The following LTN1 variants were observed in gnomAD, a reference collection of about 807,000 sequenced individuals.
LTN1 encodes the protein E3 ubiquitin-protein ligase listerin.
LTN1 carries 88 observed loss-of-function variants against 201.2 expected under a neutral mutation model. The ratio of observed to expected loss-of-function variants is 0.44; its 90% CI spans 0.37 to 0.52. The LOEUF (loss-of-function observed/expected upper bound fraction) is 0.52. Ranked by LOEUF, LTN1 falls within the 20% of genes least tolerant of loss-of-function variation. LTN1 has a pLI of 0.00. For missense variants in LTN1, 1,752 were observed against 2,038.7 expected (o/e 0.86, Z 2.71); for synonymous variants, 645 against 713.5 (o/e 0.90, Z 1.53).
chr21:28,965,518 T>C (rs983642751), intron 11 of LTN1, among the ~76,000 whole-genome samples: 2 of 152,176 alleles, frequency 1.3e-5, no homozygotes, highest in Non-Finnish European at 2.9e-5. Context: ...CTCCAATCCA[T>C]TTCTGCAGTA....
rs1311242707 is a variant in LTN1 at position 28,986,268 on chromosome 21, T to G, written c.247-31A>C. 8.0e-7 allele frequency: 1 copy of G among 1,246,178 alleles called. No individual in the cohort carries two copies. The highest frequency in any genetic ancestry group is 1.2e-6 in the Non-Finnish European group (1 of 851,640). 77.2% of individuals were successfully genotyped at this position (1,246,178 alleles called of 1,614,324 possible). On this transcript the variant is annotated intron_variant, in intron 2 of 29. Coordinates refer to ENST00000361371, the MANE Select transcript of LTN1 (RefSeq NM_015565.3). This position sits in a 1 kb window ranked among gnomAD's most constrained non-coding sequence, Gnocchi z 4.1. ...AGTAAGTTATTAACATCATTAGGAT[T>G]AACAACCATAATAACTGGCTATAGA...
rs1171874677 is a variant in LTN1, at chr21:28,966,910, G to A, written c.1581C>T (p.Ser527=). ...TTTTTTTTTTACTTGACTTCAATGA[G>A]CTCTTCGGCTTCTGAAGCACCTGTA... The part of the protein sequence containing the change: ...NLLQVLQKPK[S]SLKSSKKKNG... Residue 527 remains serine, a synonymous_variant, in exon 10 of 30, where the codon AGC becomes AGT. Transcript: ENST00000361371. 2 of 1,612,780 alleles carry A rather than the reference G, an allele frequency of 1.2e-6. No homozygotes were observed. Among genetic ancestry groups the A allele is most frequent in the African/African-American group, 1.3e-5 (1 of 74,650 alleles).
At chr21:28,970,383 GAA>G (rs1278556595) in intron 8 of LTN1, among the ~76,000 whole-genome samples, 167 bp downstream of exon 8, 1 of 152,154 alleles carries the variant, frequency 6.6e-6, no homozygotes. Context: ...TGCTACCACT[GAA>G]GTCTTGAACG....
At chr21:28,973,652 T>G (rs1601204389) in intron 6 of LTN1, among the ~76,000 whole-genome samples, 1 of 152,246 alleles carries the variant, frequency 6.6e-6, no homozygotes, top group East Asian at 1.9e-4. Flanking sequence ...TGCTTAGAAA[T>G]CAAGCATTCA....
At chr21:28,988,949 G>T (rs1281143363) in intron 1 of LTN1, among the ~76,000 whole-genome samples, 3 of 150,112 alleles carry the variant, frequency 2.0e-5, no homozygotes, top group Non-Finnish European at 3.0e-5. Flanking sequence ...TGGGCAAAAA[G>T]AGCGAAACTC....
intron 18 of LTN1, among the ~76,000 whole-genome samples, chr21:28,951,920 T>C (rs754428528): frequency 2.6e-5 from 4 of 152,070 alleles, no homozygotes; most frequent in Non-Finnish European, 5.9e-5. Context: ...CAGTGAGCCA[T>C]GTTCGCATCA....
Position 28,986,197 on chromosome 21 carries a change from G to A in LTN1, c.287C>T (p.Thr96Ile). ...EFGTMCTERD[T>I]ETVKGVLPYW... ...TGGAAGAACTCCTTTCACAGTTTCT[G>A]TGTCTCTCTCTGTACACATGGTTCC... is the stretch of plus-strand genomic sequence containing the variant. Residue 96 changes from threonine (T) to isoleucine (I), a missense_variant, in exon 3 of 30, where the codon ACA becomes ATA. Transcript: ENST00000361371. The surrounding 1 kb of genome is among the most constrained non-coding windows in gnomAD (Gnocchi z 4.1). 6.8e-6 allele frequency: 11 copies of A among 1,613,394 alleles called. No homozygotes were observed. The highest frequency in any genetic ancestry group is 9.3e-6 in the Non-Finnish European group (11 of 1,179,470).
At chr21:28,963,604 T>C (rs2084497592) in intron 11 of LTN1, among the ~76,000 whole-genome samples, 1 of 152,248 alleles carries the variant, frequency 6.6e-6, no homozygotes, top group South Asian at 2.1e-4. Context: ...GTTGTTTTCA[T>C]GCCTGCTAAC....
At position 28,960,697 on chromosome 21, in the gene LTN1, T is replaced by C. The variant is rs754951671; in HGVS notation, c.2173A>G (p.Ser725Gly). 3 of 1,611,610 alleles carry C rather than the reference T, an allele frequency of 1.9e-6. No individual in the cohort carries two copies. The highest frequency in any genetic ancestry group is 1.3e-5 in the African/African-American group (1 of 74,852). ...LLKIIEKACP[S>G]SDKHALVTPW... ...GTTACTAAAGCATGTTTATCTGAAC[T>C]AGGACATGCCTAAAACCATAAAATT... Residue 725 changes from serine to glycine, a missense_variant, in exon 12 of 30, where the codon AGT (serine) becomes GGT (glycine). By Grantham distance (56) the Ser-to-Gly change is moderately conservative. Coordinates refer to ENST00000361371, the MANE Select transcript of LTN1 (RefSeq NM_015565.3).
chr21:28,981,397 C>T (rs1248039055), intron 5 of LTN1, 98 bp from the exon 6 acceptor site: 1 of 649,196 alleles, frequency 1.5e-6, no homozygotes, highest in Non-Finnish European at 2.3e-6. Flanking sequence ...TAAATATCTA[C>T]CAAAGTTGCT....
intron 8 of LTN1, 108 bp downstream of exon 8, chr21:28,970,444 A>G: frequency 1.3e-6 from 1 of 758,084 alleles, no homozygotes; most frequent in Non-Finnish European, 2.2e-6. Context: ...CTTTAAAAGT[A>G]TTTAATGAAT....
chr21:28,987,940 G>T (rs561244312), intron 1 of LTN1, among the ~76,000 whole-genome samples: 3 of 151,274 alleles, frequency 2.0e-5, no homozygotes, highest in Non-Finnish European at 4.4e-5. Flanking sequence ...TCAGGAGTTC[G>T]AGACCAGCCT....
rs753330723 is a variant in LTN1 at position 28,943,897 on chromosome 21, G to C, written c.3990C>G (p.Asn1330Lys). The C allele has an allele frequency of 1.9e-6, 3 of 1,603,672 alleles. No homozygotes were observed. Among genetic ancestry groups the C allele is most frequent in the African/African-American group, 2.7e-5 (2 of 74,652 alleles). ...LPILVTVTGENKDVSETSFQN... is the reference protein window; with the variant it reads ...LPILVTVTGEKKDVSETSFQN... ...GAAAGGATGTTTCAGACACATCTTTGTTTTCTCCTAATGACAAAAAGGAAA... is the reference window on the plus strand; with the variant it reads ...GAAAGGATGTTTCAGACACATCTTTCTTTTCTCCTAATGACAAAAAGGAAA... Residue 1330 changes from asparagine to lysine, a missense_variant, in exon 23 of 30, where the codon AAC becomes AAG. Transcript: ENST00000361371.
At chr21:28,952,051 T>C in intron 18 of LTN1, 109 bp downstream of exon 18, 1 of 607,154 alleles carries the variant, frequency 1.6e-6, no homozygotes, top group Non-Finnish European at 2.9e-6. Context: ...AATTTCCTCA[T>C]TTCCTAAACC....
intron 8 of LTN1, among the ~76,000 whole-genome samples, chr21:28,969,878 C>T (rs1484159727): frequency 6.6e-6 from 1 of 151,344 alleles, no homozygotes; most frequent in East Asian, 1.9e-4. Context: ...GAAATAGGGT[C>T]TTACTATCTT....
chr21:28,939,552 T>G (rs974956193), intron 25 of LTN1, among the ~76,000 whole-genome samples: 2 of 152,196 alleles, frequency 1.3e-5, no homozygotes, highest in Admixed American at 6.5e-5. Context: ...TCTGTTTATT[T>G]CAGGATTCAT....
At chr21:28,983,428 G>T (rs557172017) in intron 4 of LTN1, among the ~76,000 whole-genome samples, 39 of 152,290 alleles carry the variant, frequency 2.6e-4, no homozygotes, top group African/African-American at 9.1e-4. Flanking sequence ...TTATGCTACA[G>T]ATGGGTTAGA....
rs867740290 is a variant in LTN1 at position 28,975,553 on chromosome 21, G to T, written c.811-4109C>A. ...TGCAACTACTTAGCTCTGCTTTGTAGAAGTAAAGTAGCCATAGATAATACA... is the reference window on the plus strand; with the variant it reads ...TGCAACTACTTAGCTCTGCTTTGTATAAGTAAAGTAGCCATAGATAATACA... On this transcript the variant is annotated intron_variant, in intron 6 of 29. Coordinates refer to ENST00000361371, the MANE Select transcript of LTN1 (RefSeq NM_015565.3). 5.3e-5 allele frequency among the ~76,000 whole-genome samples: 8 copies of T among 152,264 alleles called. No individual in the cohort carries two copies. In the South Asian group the frequency reaches 8.3e-4, roughly 16 times the overall value.
chr21:28,980,476 T>C (rs1247368974), intron 6 of LTN1, among the ~76,000 whole-genome samples: 1 of 150,062 alleles, frequency 6.7e-6, no homozygotes, highest in Non-Finnish European at 1.5e-5. Context: ...CACACCAGCA[T>C]GGCACATGTA....
Sources: gnomAD v4.1 joint callset for allele counts (sites outside exome capture counted in the v4.1 genomes callset) on GRCh38, gnomAD v4.1.1 for gene constraint, Gnocchi (gnomAD v3.1) non-coding constraint, MANE v1.5 for transcripts, NCBI Gene and HGNC (gene_info 2026-07-23, HGNC 2026-07-21) for gene names.